The following ROBO2 variants were observed in gnomAD, a reference collection of about 807,000 sequenced individuals.
ROBO2 encodes the protein roundabout homolog 2.
ROBO2 carries 53 observed loss-of-function variants against 160.8 expected under a neutral mutation model. The ratio of observed to expected loss-of-function variants is 0.33; its 90% CI spans 0.26 to 0.41. The LOEUF (loss-of-function observed/expected upper bound fraction) is 0.41, where lower values mean the gene tolerates loss of function less well. ROBO2 is among the 10% of genes least tolerant of loss of function. The probability of loss-of-function intolerance (pLI) is 1.00; values close to 1 mark genes in which losing one functional copy is unlikely to be tolerated. For synonymous variants in ROBO2, 664 were observed against 611.7 expected, an observed-to-expected ratio of 1.09 and a Z score of -1.26; for missense variants, 1,577 against 1,722.4, an observed-to-expected ratio of 0.92 and a Z score of 1.49.
intron 2 of ROBO2, among the ~76,000 whole-genome samples, chr3:76,522,921 G>T (rs1225689670): frequency 6.6e-6 from 1 of 150,430 alleles, no homozygotes; most frequent in African/African-American, 2.4e-5. Context: ...TATATACAGA[G>T]ATAGATATAG....
chr3:76,418,252 A>G lies in ROBO2; in HGVS notation c.109+480650A>G, dbSNP rs2075837912. Reference sequence around the variant, plus strand: ...CAAATAGAGAGAGAGAGAGAGAGGGAGAGAGAGAGAGAGATGGAGTCTTGT... The same window carrying G: ...CAAATAGAGAGAGAGAGAGAGAGGGGGAGAGAGAGAGAGATGGAGTCTTGT... On this transcript the variant is annotated intron_variant, in intron 2 of 26. Transcript: ENST00000487694. Among the ~76,000 whole-genome samples the G allele has an allele frequency of 2.0e-5, 3 of 151,046 alleles. No individual in the cohort carries two copies. The South Asian group carries it at 6.3e-4, about 32-fold the overall frequency.
At chr3:76,625,074 T>C (rs1276086888) in intron 2 of ROBO2, among the ~76,000 whole-genome samples, 2 of 152,030 alleles carry the variant, frequency 1.3e-5, no homozygotes, top group African/African-American at 2.4e-5. Flanking sequence ...CCTCGCCTCA[T>C]TTTTTTCTAG....
chr3:77,588,894 T>G, exon 17 of ROBO2: 1 of 1,613,426 alleles, frequency 6.2e-7, no homozygotes, highest in Non-Finnish European at 8.5e-7. Context: ...ATGGTTGTAT[T>G]GGCGAAGAAA....
chr3:77,058,849 T>C (rs1168447229), intron 1 of ROBO2, among the ~76,000 whole-genome samples: 4 of 152,138 alleles, frequency 2.6e-5, no homozygotes, highest in African/African-American at 9.7e-5. Flanking sequence ...TAGTTGCTTT[T>C]TAATTGCATG....
intron 2 of ROBO2, among the ~76,000 whole-genome samples, chr3:76,961,261 A>C (rs954184853): frequency 2.0e-4 from 30 of 151,680 alleles, no homozygotes; most frequent in Non-Finnish European, 3.1e-4. Context: ...AAAAAAAAAA[A>C]AAAAAAACAC....
At chr3:76,382,132 A>T (rs72896602) in intron 2 of ROBO2, among the ~76,000 whole-genome samples, 310 of 152,150 alleles carry the variant, frequency 2.0e-3, no homozygotes, top group African/African-American at 6.9e-3. Context: ...TGCCTGGCTA[A>T]TATTTTCGTA....
At chr3:76,276,655 A>T (rs1707942044) in intron 2 of ROBO2, among the ~76,000 whole-genome samples, 1 of 152,046 alleles carries the variant, frequency 6.6e-6, no homozygotes, top group Admixed American at 6.6e-5. Context: ...TTGAACAATC[A>T]CGTTGCTTAA....
At chr3:75,989,538 A>G (rs978282598) in intron 2 of ROBO2, among the ~76,000 whole-genome samples, 11 of 152,194 alleles carry the variant, frequency 7.2e-5, no homozygotes, top group African/African-American at 2.7e-4. Context: ...GTTGGATATT[A>G]AACTATTTTA....
chr3:76,611,253 G>C (rs1578524074), intron 2 of ROBO2, among the ~76,000 whole-genome samples: 1 of 152,138 alleles, frequency 6.6e-6, no homozygotes, highest in Non-Finnish European at 1.5e-5. Flanking sequence ...ATTTCACTGA[G>C]GACCCATCCC....
chr3:76,794,521 A>C (rs182505722), intron 2 of ROBO2, among the ~76,000 whole-genome samples: 94 of 152,120 alleles, frequency 6.2e-4, no homozygotes, highest in Middle Eastern at 6.8e-3. Context: ...ATAAAGCTGT[A>C]TGGGTTATTT....
intron 2 of ROBO2, among the ~76,000 whole-genome samples, chr3:77,148,291 A>G (rs1253013849): frequency 1.3e-5 from 2 of 152,218 alleles, no homozygotes; most frequent in Non-Finnish European, 2.9e-5. Flanking sequence ...AAGGGGCTTT[A>G]ATAGCACAAT....
intron 2 of ROBO2, among the ~76,000 whole-genome samples, chr3:76,061,901 G>A: frequency 6.6e-6 from 1 of 152,030 alleles, no homozygotes; most frequent in East Asian, 1.9e-4. Context: ...TTGGCCTGTG[G>A]TCCCACAGCA....
chr3:76,436,481 A>G (rs1358260569), intron 2 of ROBO2, among the ~76,000 whole-genome samples: 2 of 152,190 alleles, frequency 1.3e-5, no homozygotes, highest in Admixed American at 6.5e-5. Flanking sequence ...GACTTATGTA[A>G]CAATCTTGCA....
intron 2 of ROBO2, among the ~76,000 whole-genome samples, chr3:77,196,237 T>A (rs1316609010): frequency 6.6e-6 from 1 of 152,168 alleles, no homozygotes; most frequent in Non-Finnish European, 1.5e-5. Flanking sequence ...TTCCAGCTAT[T>A]ATACATTGTA....
chr3:76,034,882 G>T (rs970286613), intron 2 of ROBO2, among the ~76,000 whole-genome samples: 1 of 152,106 alleles, frequency 6.6e-6, no homozygotes, highest in African/African-American at 2.4e-5. Context: ...TACAGTCTGG[G>T]TGAGGCCTGC....
chr3:76,798,292 G>GAA (rs879585823), intron 2 of ROBO2, among the ~76,000 whole-genome samples: 1 of 148,676 alleles, frequency 6.7e-6, no homozygotes, highest in Non-Finnish European at 1.5e-5. Flanking sequence ...AAGAAAGAAA[G>GAA]AAAGAAAGAA....
chr3:76,992,135 G>C lies in ROBO2; in HGVS notation c.110-105879G>C, dbSNP rs551672388. On this transcript the variant is annotated intron_variant, in intron 2 of 26. Transcript: ENST00000487694. ...TAAGCATAACACATTGTTAGAAAAAGAGTCCTTTCTAACAGAGTTACCAAA... is the reference window on the plus strand; with the variant it reads ...TAAGCATAACACATTGTTAGAAAAACAGTCCTTTCTAACAGAGTTACCAAA... Among the ~76,000 whole-genome samples, 59 of 151,704 alleles carry C rather than the reference G, an allele frequency of 3.9e-4. No homozygotes were observed. The South Asian group carries it at 0.011, about 30-fold the overall frequency.
chr3:76,603,339 A>C (rs1226285538), intron 2 of ROBO2, among the ~76,000 whole-genome samples: 1 of 53,734 alleles, frequency 1.9e-5, no homozygotes, highest in Non-Finnish European at 3.7e-5. Flanking sequence ...CTCCAAAAAA[A>C]AAAAAAAAAA....
chr3:76,989,409 A>C (rs2060548462), intron 2 of ROBO2, among the ~76,000 whole-genome samples: 1 of 152,128 alleles, frequency 6.6e-6, no homozygotes, highest in South Asian at 2.1e-4. Context: ...AGCATAAACT[A>C]TACATAATAT....
Sources: allele counts gnomAD v4.1 joint callset (sites outside exome capture counted in the v4.1 genomes callset), GRCh38; gene constraint gnomAD v4.1.1; transcripts MANE v1.5; gene names NCBI Gene and HGNC (gene_info 2026-07-23, HGNC 2026-07-21).